The following PTPRR variants were observed in gnomAD, a reference collection of about 807,000 sequenced individuals.
PTPRR encodes receptor-type tyrosine-protein phosphatase R.
In PTPRR, 38 loss-of-function variants were observed where a neutral mutation model predicts 77.2. That is an observed-to-expected ratio of 0.49 (90% CI 0.38 to 0.65). PTPRR has a LOEUF of 0.65. Among genes scored for constraint, PTPRR ranks in the 30% least tolerant of loss-of-function variants. The pLI is 0.00. For synonymous variants in PTPRR, 299 were observed against 283.1 expected (o/e 1.06, Z -0.57); for missense variants, 744 against 799.2 (o/e 0.93, Z 0.83).
intron 13 of PTPRR, among the ~76,000 whole-genome samples, chr12:70,651,111 C>CCAAGACAAGCCATGAGCTAAAG (rs1353258759): frequency 6.6e-6 from 1 of 152,226 alleles, no homozygotes; most frequent in Non-Finnish European, 1.5e-5. Context: ...GCTTGCTTTC[C>CCAAGACAAGCCATGAGCTAAAG]CAAGACAAGC....
rs1565653106 is a variant in PTPRR, at chr12:70,698,330, A to G, written c.1214T>C (p.Val405Ala). 3.7e-6 allele frequency: 6 copies of G among 1,612,832 alleles called. No individual in the cohort carries two copies. Among genetic ancestry groups the G allele is most frequent in the Non-Finnish European group, 5.1e-6 (6 of 1,179,182 alleles). ...SEFMEIPMNFVDPKEIDIPRH... is the reference protein window; with the variant it reads ...SEFMEIPMNFADPKEIDIPRH... ...CGGAATATCAATTTCTTTGGGATCC[A>G]CAAAGTTCATTGGTATTTCCTGCAA... Residue 405 changes from valine to alanine, a missense_variant, in exon 8 of 14, where the codon GTG (valine) becomes GCG (alanine). Val to Ala is a moderately conservative substitution (Grantham distance 64). This residue lies in a region of PTPRR where 570 missense variants were observed against 573.2 expected (regional missense o/e 0.99). Transcript: ENST00000283228.
chr12:70,795,940 T>TTTTTTTG (rs1436544409), intron 2 of PTPRR, among the ~76,000 whole-genome samples: 16 of 133,512 alleles, frequency 1.2e-4, no homozygotes, highest in Non-Finnish European at 1.8e-4. Flanking sequence ...TTTTTTTTTT[T>TTTTTTTG]TGACACAGAG....
chr12:70,863,592 T>G (rs893323250), intron 2 of PTPRR, among the ~76,000 whole-genome samples: 2 of 152,000 alleles, frequency 1.3e-5, no homozygotes, highest in Admixed American at 1.3e-4. Flanking sequence ...GCAAGCTGAT[T>G]CCTAAAATGG....
At chr12:70,767,136 A>C (rs1890844968) in intron 2 of PTPRR, among the ~76,000 whole-genome samples, 1 of 152,136 alleles carries the variant, frequency 6.6e-6, no homozygotes, top group African/African-American at 2.4e-5. Context: ...CTAACATCAT[A>C]ATGACAGGAT....
chr12:70,845,141 A>C (rs1324629749), intron 2 of PTPRR, among the ~76,000 whole-genome samples: 1 of 152,176 alleles, frequency 6.6e-6, no homozygotes, highest in Non-Finnish European at 1.5e-5. Context: ...TGCAGATCTT[A>C]TGGGCTGCAG....
At chr12:70,723,338 G>T (rs965735156) in intron 6 of PTPRR, among the ~76,000 whole-genome samples, 1 of 151,756 alleles carries the variant, frequency 6.6e-6, no homozygotes. Context: ...CTTTTTGAGG[G>T]CTTTTTTTTT....
At chr12:70,665,496 C>A (rs532062348) in intron 10 of PTPRR, among the ~76,000 whole-genome samples, 181 of 149,670 alleles carry the variant, frequency 1.2e-3, no homozygotes, top group Non-Finnish European at 2.1e-3. Flanking sequence ...ATTCTCCCGC[C>A]TCAGCCTCCC....
chr12:70,875,114 C>A (rs1288105358), intron 2 of PTPRR, among the ~76,000 whole-genome samples: 3 of 151,832 alleles, frequency 2.0e-5, no homozygotes, highest in Non-Finnish European at 4.4e-5. Flanking sequence ...TATAACCATA[C>A]CATGAAGTAA....
At chr12:70,672,403 G>A in intron 10 of PTPRR, 1 of 1,197,718 alleles carries the variant, frequency 8.3e-7, no homozygotes, top group Non-Finnish European at 1.2e-6. Context: ...AAGTGGAGCA[G>A]CTGTGGTCAT....
chr12:70,760,508 G>A (rs1035271534), intron 4 of PTPRR, among the ~76,000 whole-genome samples: 1 of 152,146 alleles, frequency 6.6e-6, no homozygotes, highest in Non-Finnish European at 1.5e-5. Flanking sequence ...TCTAGATTTT[G>A]GACAGGGAAG....
chr12:70,694,043 T>C (rs1291144689), intron 8 of PTPRR, among the ~76,000 whole-genome samples: 1 of 152,178 alleles, frequency 6.6e-6, no homozygotes, highest in East Asian at 1.9e-4. Flanking sequence ...AAGGATGGCA[T>C]AGGGAGATTA....
chr12:70,764,735 C>G lies in PTPRR; in HGVS notation c.401G>C (p.Arg134Pro). 1 of 1,614,002 alleles carries G rather than the reference C, an allele frequency of 6.2e-7. No homozygotes were observed. Among genetic ancestry groups the G allele is most frequent in the Non-Finnish European group, 8.5e-7 (1 of 1,179,964 alleles). ...DVNKLNITLLRIFRQGVAAAL... is the reference protein window; with the variant it reads ...DVNKLNITLLPIFRQGVAAAL... The stretch of plus-strand genomic sequence containing the variant: ...TGCAGCCACTCCTTGGCGGAAGATC[C>G]GAAGCAAGGTTATGTTCAGCTTGTT... The change falls in exon 3 of 14, where the codon CGG becomes CCG. Residue 134 changes from arginine to proline, a missense_variant. Physicochemically the swap from Arg to Pro is moderately radical, Grantham distance 103. Coordinates refer to ENST00000283228, the MANE Select transcript of PTPRR (RefSeq NM_002849.4).
intron 2 of PTPRR, among the ~76,000 whole-genome samples, chr12:70,800,102 C>A (rs1891586913): frequency 6.6e-6 from 1 of 152,058 alleles, no homozygotes; most frequent in Admixed American, 6.5e-5. Context: ...TGAATGTGGG[C>A]ACATACATTA....
intron 2 of PTPRR, among the ~76,000 whole-genome samples, chr12:70,784,676 C>T (rs1891285605): frequency 6.6e-6 from 1 of 152,192 alleles, no homozygotes; most frequent in Non-Finnish European, 1.5e-5. Context: ...CTAGAAGTGG[C>T]AGATAAAAAG....
At chr12:70,771,964 T>C (rs1181014556) in intron 2 of PTPRR, among the ~76,000 whole-genome samples, 1 of 152,140 alleles carries the variant, frequency 6.6e-6, no homozygotes, top group Non-Finnish European at 1.5e-5. Context: ...TCAGGTTTGC[T>C]TAGGAAAAAA....
Position 70,638,673 on chromosome 12 carries a change from T to A in PTPRR, c.*511A>T, listed in dbSNP as rs1767293154. 6.6e-6 allele frequency: 1 copy of A among 152,384 alleles called. No homozygotes were observed. The highest frequency in any genetic ancestry group is 6.5e-5 in the Admixed American group (1 of 15,286). 9.4% of individuals were successfully genotyped at this position (152,384 alleles called of 1,614,324 possible). A position where few individuals can be genotyped will look rare whatever the true frequency, so the allele number is the denominator to read the frequency against. On this transcript the variant is annotated 3_prime_UTR_variant, in exon 14 of 14. Transcript: ENST00000283228. The stretch of plus-strand genomic sequence containing the variant: ...CAAAGACTTCTCTGTTAAAAATCCA[T>A]TATCAATCACTTGCAACTTTAGCAG...
intron 1 of PTPRR, among the ~76,000 whole-genome samples, chr12:70,908,196 CAT>C (rs71855414): frequency 0.067 from 10,195 of 152,118 alleles, 580 homozygotes; most frequent in African/African-American, 0.15. Context: ...TATATTAAAA[CAT>C]AGCAAAACGA....
At chr12:70,810,581 T>C (rs1214239181) in intron 2 of PTPRR, among the ~76,000 whole-genome samples, 1 of 152,200 alleles carries the variant, frequency 6.6e-6, no homozygotes, top group African/African-American at 2.4e-5. Flanking sequence ...ACGATGTTAC[T>C]GTTATGTATA....
At chr12:70,744,238 A>G (rs1890141313) in intron 6 of PTPRR, among the ~76,000 whole-genome samples, 1 of 152,240 alleles carries the variant, frequency 6.6e-6, no homozygotes, top group South Asian at 2.1e-4. Flanking sequence ...CACCAAACCC[A>G]GGAACGGCAG....
Sources: gnomAD v4.1 joint callset for allele counts (sites outside exome capture counted in the v4.1 genomes callset) on GRCh38, gnomAD v4.1.1 for gene constraint, gnomAD v4.1.1 regional missense constraint, MANE v1.5 for transcripts, NCBI Gene and HGNC (gene_info 2026-07-23, HGNC 2026-07-21) for gene names.